The following PDE4D variants were observed in gnomAD, a reference collection of about 807,000 sequenced individuals.
The protein encoded by PDE4D is phosphodiesterase 4D.
Under a neutral mutation model 87.4 loss-of-function variants are expected in PDE4D, and 24 were observed. The observed-to-expected ratio is 0.27, with a 90% CI of 0.20 to 0.39. The LOEUF is 0.39. PDE4D is among the 10% of genes least tolerant of loss of function. The pLI is 1.00. For missense variants in PDE4D, 714 were observed against 1,041.0 expected (o/e 0.69, Z 4.32); for synonymous variants, 384 against 383.2 (o/e 1.00, Z -0.02).
intron 3 of PDE4D, among the ~76,000 whole-genome samples, chr5:59,977,813 A>G (rs1214626843): frequency 6.6e-6 from 1 of 152,188 alleles, no homozygotes; most frequent in Non-Finnish European, 1.5e-5. Context: ...TCCTGGTAGG[A>G]GCTAATGCAG....
intron 1 of PDE4D, among the ~76,000 whole-genome samples, chr5:59,783,795 G>A (rs1764861955): frequency 6.6e-6 from 1 of 152,194 alleles, no homozygotes; most frequent in African/African-American, 2.4e-5. Flanking sequence ...GGCCAGGCAT[G>A]GTGGCTCACA....
chr5:60,240,195 G>A (rs994815536), intron 1 of PDE4D, among the ~76,000 whole-genome samples: 1 of 151,960 alleles, frequency 6.6e-6, no homozygotes, highest in Non-Finnish European at 1.5e-5. Context: ...ATTGGATGCT[G>A]ATCTTATTAT....
At chr5:59,396,140 C>T (rs1789372406) in intron 1 of PDE4D, among the ~76,000 whole-genome samples, 1 of 119,074 alleles carries the variant, frequency 8.4e-6, no homozygotes, top group East Asian at 2.7e-4. Context: ...AGAATGGAAC[C>T]AAGTTGGAAA....
At chr5:59,325,863 A>T (rs1484754678) in intron 1 of PDE4D, among the ~76,000 whole-genome samples, 6 of 151,210 alleles carry the variant, frequency 4.0e-5, no homozygotes, top group Non-Finnish European at 7.4e-5. Flanking sequence ...TTTTTTTTTT[A>T]AATGTGTTGA....
intron 1 of PDE4D, among the ~76,000 whole-genome samples, chr5:59,822,792 T>G (rs1769851997): frequency 1.3e-5 from 2 of 152,198 alleles, no homozygotes; most frequent in Non-Finnish European, 2.9e-5. Flanking sequence ...GTCAATTGAC[T>G]GCTTGGCAGC....
chr5:59,735,697 C>G (rs1265210073), intron 1 of PDE4D, among the ~76,000 whole-genome samples: 1 of 151,820 alleles, frequency 6.6e-6, no homozygotes, highest in Non-Finnish European at 1.5e-5. Context: ...GACAGAATCT[C>G]GCTTCATGGC....
chr5:59,380,007 C>A (rs1465082579), intron 1 of PDE4D, among the ~76,000 whole-genome samples: 1 of 151,978 alleles, frequency 6.6e-6, no homozygotes, highest in African/African-American at 2.4e-5. Flanking sequence ...TTTTGGAATC[C>A]TCAGTGTCTA....
chr5:59,954,008 C>T lies in PDE4D; in HGVS notation c.272+34480G>A, dbSNP rs553024332. ...TGGCACGATCTCAGCTCACTGCAAC[C>T]TCTGCCTCCCAGGTTCAAACAACTC... On this transcript the variant is annotated intron_variant, in intron 3 of 16. Transcript: ENST00000502484. Among the ~76,000 whole-genome samples, 3 of 152,266 alleles carry T rather than the reference C, an allele frequency of 2.0e-5. No homozygotes were observed. In the South Asian group the frequency reaches 6.2e-4, roughly 32 times the overall value.
At chr5:60,289,436 CTG>C (rs1752700077) in intron 1 of PDE4D, among the ~76,000 whole-genome samples, 2 of 152,298 alleles carry the variant, frequency 1.3e-5, no homozygotes, top group Admixed American at 6.5e-5. Flanking sequence ...CTCTCACCAT[CTG>C]TCTCTTCTAA....
intron 3 of PDE4D, among the ~76,000 whole-genome samples, chr5:59,928,635 G>GC (rs1191701241): frequency 6.6e-6 from 1 of 152,004 alleles, no homozygotes; most frequent in African/African-American, 2.4e-5. Flanking sequence ...ACCTTCCCCA[G>GC]CCCCCTGGGT....
intron 5 of PDE4D, among the ~76,000 whole-genome samples, chr5:59,177,536 C>T (rs1451013747): frequency 6.6e-6 from 1 of 152,204 alleles, no homozygotes; most frequent in Non-Finnish European, 1.5e-5. Context: ...AGCAGTGTCA[C>T]TATTTTATAG....
intron 1 of PDE4D, among the ~76,000 whole-genome samples, chr5:59,329,841 A>C (rs1776384934): frequency 6.6e-6 from 1 of 152,206 alleles, no homozygotes; most frequent in African/African-American, 2.4e-5. Flanking sequence ...TTGACATTTT[A>C]CATTTATCTA....
At chr5:60,105,936 G>A (rs1409875664) in intron 2 of PDE4D, among the ~76,000 whole-genome samples, 2 of 152,210 alleles carry the variant, frequency 1.3e-5, no homozygotes, top group Non-Finnish European at 2.9e-5. Context: ...ATGCTAGGAA[G>A]AGACCGCATC....
At chr5:60,025,327 C>CA (rs1766511641) in intron 2 of PDE4D, among the ~76,000 whole-genome samples, 1 of 152,088 alleles carries the variant, frequency 6.6e-6, no homozygotes, top group Admixed American at 6.6e-5. Flanking sequence ...TAGTTTGAAT[C>CA]AAAGACATTA....
intron 1 of PDE4D, among the ~76,000 whole-genome samples, chr5:59,343,531 A>T (rs544363082): frequency 6.6e-6 from 1 of 152,338 alleles, no homozygotes; most frequent in Admixed American, 6.5e-5. Context: ...CAGAATGTAC[A>T]GCATAAAGTT....
intron 1 of PDE4D, among the ~76,000 whole-genome samples, chr5:59,591,032 A>G (rs1305503406): frequency 4.6e-5 from 7 of 152,288 alleles, no homozygotes; most frequent in Admixed American, 4.6e-4. Flanking sequence ...GCATCAGGTC[A>G]GCTGAGGGGC....
intron 1 of PDE4D, among the ~76,000 whole-genome samples, chr5:59,524,196 A>G (rs1386711023): frequency 6.6e-6 from 1 of 152,198 alleles, no homozygotes; most frequent in Non-Finnish European, 1.5e-5. Context: ...AAAATGTGGG[A>G]AAATGTGCAA....
At chr5:60,332,059 G>A (rs1342601910) in intron 1 of PDE4D, among the ~76,000 whole-genome samples, 1 of 152,162 alleles carries the variant, frequency 6.6e-6, no homozygotes, top group Admixed American at 6.5e-5. Flanking sequence ...TGTGGTTGCT[G>A]TTAGTGTGTG....
At chr5:60,236,367 C>A (rs1319042872) in intron 1 of PDE4D, among the ~76,000 whole-genome samples, 5 of 151,394 alleles carry the variant, frequency 3.3e-5, no homozygotes, top group African/African-American at 4.8e-5. Flanking sequence ...ATATCTACAA[C>A]AAAAAAAATT....
Sources: allele counts gnomAD v4.1 joint callset (sites outside exome capture counted in the v4.1 genomes callset), GRCh38; gene constraint gnomAD v4.1.1; transcripts MANE v1.5; gene names NCBI Gene and HGNC (gene_info 2026-07-23, HGNC 2026-07-21).